GHITM: variants seen among roughly 807,000 people sequenced by gnomAD.
The protein encoded by GHITM is growth hormone inducible transmembrane protein.
GHITM carries 24 observed loss-of-function variants against 38.7 expected under a neutral mutation model. That is an observed-to-expected ratio of 0.62 (90% CI 0.45 to 0.87). GHITM has a LOEUF of 0.87. GHITM is among the 40% of genes least tolerant of loss of function. GHITM has a pLI of 0.00. For missense variants in GHITM, 420 were observed against 429.8 expected (o/e 0.98, Z 0.20); for synonymous variants, 154 against 147.8 (o/e 1.04, Z -0.30).
intron 5 of GHITM, 89 bp downstream of exon 5, chr10:84,145,105 G>A: frequency 2.9e-6 from 3 of 1,020,698 alleles, no homozygotes; most frequent in Non-Finnish European, 4.2e-6. Context: ...TAAATGGAAA[G>A]AATACTGTAT....
intron 1 of GHITM, 146 bp from the exon 2 acceptor site, chr10:84,141,316 G>T: frequency 1.8e-6 from 1 of 549,410 alleles, no homozygotes; most frequent in Non-Finnish European, 3.2e-6. Flanking sequence ...ATTCATCGCT[G>T]AAAATTAAAA....
At chr10:84,140,936 G>T (rs1463710288) in intron 1 of GHITM, among the ~76,000 whole-genome samples, 1 of 152,074 alleles carries the variant, frequency 6.6e-6, no homozygotes, top group Non-Finnish European at 1.5e-5. Context: ...GTAATATTTG[G>T]TATGATTAGC....
intron 5 of GHITM, among the ~76,000 whole-genome samples, chr10:84,147,443 G>T (rs1183472242): frequency 6.6e-6 from 1 of 152,118 alleles, no homozygotes; most frequent in Non-Finnish European, 1.5e-5. Flanking sequence ...GGCAAAACCA[G>T]CTATTTGGTT....
chr10:84,152,552 C>T lies in GHITM; in HGVS notation c.*204C>T. 1 of 399,354 alleles carries T rather than the reference C, an allele frequency of 2.5e-6. No individual in the cohort carries two copies. The highest frequency in any genetic ancestry group is 4.4e-6 in the Non-Finnish European group (1 of 225,438). 24.7% of individuals were successfully genotyped at this position (399,354 alleles called of 1,614,324 possible). On this transcript the variant is annotated 3_prime_UTR_variant, in exon 9 of 9. Coordinates refer to ENST00000372134, the MANE Select transcript of GHITM (RefSeq NM_014394.3). The stretch of plus-strand genomic sequence containing the variant: ...ATGCAGTAATCCTCTCCCAAATAAG[C>T]ACACACATTTTCAATTCTCATGTTT...
chr10:84,142,020 G>T (rs1228866053), intron 2 of GHITM, among the ~76,000 whole-genome samples: 1 of 152,184 alleles, frequency 6.6e-6, no homozygotes, highest in African/African-American at 2.4e-5. Context: ...TTATTTAGAG[G>T]TTGATAATAT....
intron 8 of GHITM, 125 bp from the exon 9 acceptor site, chr10:84,152,139 A>G (rs1841618230): frequency 8.8e-6 from 5 of 567,100 alleles, no homozygotes; most frequent in Non-Finnish European, 1.5e-5. Flanking sequence ...GCAGTTAAAC[A>G]TCTTATTTTT....
chr10:84,150,987 TAAC>T, intron 8 of GHITM, 107 bp downstream of exon 8: 1 of 709,982 alleles, frequency 1.4e-6, no homozygotes, highest in Non-Finnish European at 2.4e-6. Flanking sequence ...GGGATACTGT[TAAC>T]AAAGTATCGC....
chr10:84,140,310 TTAA>T (rs1841493695), intron 1 of GHITM: 1 of 152,236 alleles, frequency 6.6e-6, no homozygotes, highest in Non-Finnish European at 1.5e-5. Context: ...TTTAAGACCC[TTAA>T]TAGTTCAGTT....
intron 7 of GHITM, 113 bp downstream of exon 7, chr10:84,150,356 T>C (rs1282978619): frequency 1.1e-6 from 1 of 875,662 alleles, no homozygotes; most frequent in Admixed American, 3.2e-5. Context: ...TTTAAAGATT[T>C]ATGCTAATTT....
intron 6 of GHITM, among the ~76,000 whole-genome samples, chr10:84,149,404 C>T (rs963147990): frequency 2.6e-5 from 4 of 152,106 alleles, no homozygotes; most frequent in Non-Finnish European, 4.4e-5. Context: ...ATAAAGATAG[C>T]TTTGTGCCTA....
At chr10:84,147,417 A>G (rs888604925) in intron 5 of GHITM, among the ~76,000 whole-genome samples, 4 of 152,152 alleles carry the variant, frequency 2.6e-5, no homozygotes, top group East Asian at 1.9e-4. Context: ...TTTCATGTTA[A>G]GGTTTTCCCA....
intron 4 of GHITM, among the ~76,000 whole-genome samples, chr10:84,144,419 G>A (rs1841537749): frequency 6.6e-6 from 1 of 152,136 alleles, no homozygotes; most frequent in African/African-American, 2.4e-5. Flanking sequence ...GCAGTGGCGC[G>A]ATCTTGGCTC....
intron 6 of GHITM, among the ~76,000 whole-genome samples, chr10:84,149,057 A>G (rs1244270389): frequency 6.6e-6 from 1 of 152,218 alleles, no homozygotes; most frequent in Non-Finnish European, 1.5e-5. Context: ...GTATCTTCTG[A>G]CAGTCTAGTA....
At chr10:84,149,787 A>G (rs1437955834) in intron 6 of GHITM, among the ~76,000 whole-genome samples, 1 of 152,220 alleles carries the variant, frequency 6.6e-6, no homozygotes, top group Non-Finnish European at 1.5e-5. Context: ...AAATAGCTAC[A>G]TGGAATTTGA....
In GHITM at chr10:84,150,196, G is replaced by A. The variant is rs1280227763; in HGVS notation, c.734G>A (p.Gly245Asp). ...CCCAGTGAAAAGTTTCTGAACATGG[G>A]TGCACCCCTGGGAGTGGGCCTGGGT... Reference protein sequence around the residue: ...CAPSEKFLNMGAPLGVGLGLV... With the variant: ...CAPSEKFLNMDAPLGVGLGLV... The change falls in exon 7 of 9, where the codon GGT (glycine) becomes GAT (aspartate). Residue 245 changes from glycine (G) to aspartate (D), a missense_variant. Coordinates refer to ENST00000372134, the MANE Select transcript of GHITM (RefSeq NM_014394.3). 6.2e-7 allele frequency: 1 copy of A among 1,613,268 alleles called. No individual in the cohort carries two copies. The highest frequency in any genetic ancestry group is 8.5e-7 in the Non-Finnish European group (1 of 1,179,864).
intron 5 of GHITM, among the ~76,000 whole-genome samples, chr10:84,145,409 C>T (rs1385714740): frequency 1.3e-5 from 2 of 152,212 alleles, no homozygotes; most frequent in Middle Eastern, 3.2e-3. Flanking sequence ...GAAGTTCATT[C>T]TAGGTAGGTC....
rs748847103 is a variant in GHITM at position 84,142,731 on chromosome 10, C to T, written c.206C>T (p.Pro69Leu). 21 of 1,600,998 alleles carry T rather than the reference C, an allele frequency of 1.3e-5. No individual in the cohort carries two copies. Among genetic ancestry groups the T allele is most frequent in the Non-Finnish European group, 1.8e-5 (21 of 1,169,402 alleles). ...GQELKEAALEPSMEKIFKIDQ... is the reference protein window; with the variant it reads ...GQELKEAALELSMEKIFKIDQ... ...GAACTCAAAGAGGCAGCATTGGAAC[C>T]ATCGATGGAAAAAATATTTAAAAGT... The change falls in exon 3 of 9, where the codon CCA (proline) becomes CTA (leucine). Residue 69 changes from proline to leucine, a missense_variant. By Grantham distance (98) the Pro-to-Leu change is moderately conservative. Coordinates refer to ENST00000372134, the MANE Select transcript of GHITM (RefSeq NM_014394.3).
chr10:84,151,723 G>T lies in GHITM; in HGVS notation c.954-541G>T, dbSNP rs113785626. On this transcript the variant is annotated intron_variant, in intron 8 of 8. Transcript: ENST00000372134. ...TTTTTCTTGGAGTCGACCAAAGTGG[G>T]TTATTTTATTTAAACAATTTTCTTG... Among the ~76,000 whole-genome samples, 196 of 152,008 alleles carry T rather than the reference G, an allele frequency of 1.3e-3. 1 individual carries two copies. The highest frequency in any genetic ancestry group is 3.4e-3 in the African/African-American group (141 of 41,458).
chr10:84,145,140 G>GT (rs777233470), intron 5 of GHITM, 124 bp downstream of exon 5: 4 of 649,388 alleles, frequency 6.2e-6, no homozygotes, highest in Non-Finnish European at 7.1e-6. Flanking sequence ...TTCAAATAAT[G>GT]TATGAATTAC....
Sources: gnomAD v4.1 joint callset for allele counts (sites outside exome capture counted in the v4.1 genomes callset) on GRCh38, gnomAD v4.1.1 for gene constraint, MANE v1.5 for transcripts, NCBI Gene and HGNC (gene_info 2026-07-23, HGNC 2026-07-21) for gene names.